Variants in ELK3 observed in about 807,000 individuals in gnomAD.
ELK3 encodes ETS transcription factor ELK3.
In ELK3, 10 loss-of-function variants were observed where a neutral mutation model predicts 28.9. That is an observed-to-expected ratio of 0.35 (90% CI 0.21 to 0.59). The LOEUF is 0.59. Among genes scored for constraint, ELK3 ranks in the 20% least tolerant of loss-of-function variants. ELK3 has a pLI of 0.82. For missense variants in ELK3, 463 were observed against 517.3 expected (o/e 0.90, Z 1.02); for synonymous variants, 272 against 243.5 (o/e 1.12, Z -1.09).
chr12:96,254,833 C>G (rs531705441), intron 3 of ELK3, among the ~76,000 whole-genome samples: 1 of 151,942 alleles, frequency 6.6e-6, no homozygotes, highest in African/African-American at 2.4e-5. Context: ...ACCACTGGTA[C>G]AGGGTGTTGA....
At chr12:96,224,738 T>G (rs897251257) in intron 2 of ELK3, among the ~76,000 whole-genome samples, 1 of 152,264 alleles carries the variant, frequency 6.6e-6, no homozygotes, top group Non-Finnish European at 1.5e-5. Flanking sequence ...GAATCTGTTG[T>G]TGCTGAATAT....
At chr12:96,228,110 G>A (rs1256165365) in intron 2 of ELK3, among the ~76,000 whole-genome samples, 2 of 151,702 alleles carry the variant, frequency 1.3e-5, no homozygotes, top group Non-Finnish European at 2.9e-5. Context: ...AAAAAATTTA[G>A]CACAATTTAT....
intron 2 of ELK3, among the ~76,000 whole-genome samples, chr12:96,235,632 C>T (rs538491490): frequency 6.6e-6 from 1 of 152,160 alleles, no homozygotes; most frequent in African/African-American, 2.4e-5. Context: ...TCCAAGTCAA[C>T]TGGTGACAAA....
intron 1 of ELK3, among the ~76,000 whole-genome samples, chr12:96,217,254 G>C (rs1951625365): frequency 6.6e-6 from 1 of 152,156 alleles, no homozygotes; most frequent in Non-Finnish European, 1.5e-5. Context: ...TAGTCGAAAA[G>C]AAAAGAATTA....
At chr12:96,263,534 C>G (rs1952008546) in intron 4 of ELK3, among the ~76,000 whole-genome samples, 1 of 152,140 alleles carries the variant, frequency 6.6e-6, no homozygotes, top group South Asian at 2.1e-4. Flanking sequence ...CAAATCTAAC[C>G]CCAGCAAATA....
intron 2 of ELK3, among the ~76,000 whole-genome samples, chr12:96,232,857 A>C (rs553303717): frequency 6.6e-6 from 1 of 152,206 alleles, no homozygotes; most frequent in East Asian, 1.9e-4. Flanking sequence ...AGTCCTACTT[A>C]CTGGGGAGGC....
At chr12:96,213,955 C>T (rs1219349341) in intron 1 of ELK3, 2 of 147,422 alleles carry the variant, frequency 1.4e-5, no homozygotes, top group Non-Finnish European at 1.5e-5. Context: ...AACTCCTAGG[C>T]ACAAACTGTC....
intron 1 of ELK3, among the ~76,000 whole-genome samples, chr12:96,211,558 T>C (rs1004838845): frequency 5.9e-5 from 9 of 151,406 alleles, no homozygotes; most frequent in African/African-American, 2.2e-4. Context: ...ATATTTTAGG[T>C]TGAATATATG....
chr12:96,198,941 A>G (rs1951490656), intron 1 of ELK3, among the ~76,000 whole-genome samples: 1 of 152,238 alleles, frequency 6.6e-6, no homozygotes, highest in Non-Finnish European at 1.5e-5. Flanking sequence ...GATCTAATAA[A>G]TGTGTTGGCT....
intron 2 of ELK3, 132 bp from the exon 3 acceptor site, chr12:96,246,808 A>G: frequency 3.3e-6 from 3 of 902,072 alleles, no homozygotes; most frequent in Non-Finnish European, 4.9e-6. Flanking sequence ...TCCTCCTTCC[A>G]CTTTTCCTTA....
At position 96,269,548 on chromosome 12, in the gene ELK3, CAT is replaced by C. The variant is rs1292971769; in HGVS notation, c.*2372_*2373del. On this transcript the variant is annotated 3_prime_UTR_variant, in exon 5 of 5. Transcript: ENST00000228741. Reference sequence around the variant, plus strand: ...TGGAGGAACTGAAGAATAACTCACTCATATAGCTCTGCCTCATTCTGTGTGTG... The same window carrying C: ...TGGAGGAACTGAAGAATAACTCACTCATAGCTCTGCCTCATTCTGTGTGTG... The C allele has an allele frequency of 6.6e-6, 1 of 152,170 alleles. No homozygotes were observed. The highest frequency in any genetic ancestry group is 1.5e-5 in the Non-Finnish European group (1 of 68,030). The allele number at this position is 152,170 out of a possible 1,614,324, so 9.4% of individuals were successfully genotyped here. A position where few individuals can be genotyped will look rare whatever the true frequency, so the allele number is the denominator to read the frequency against.
chr12:96,231,685 A>G (rs1244231372), intron 2 of ELK3, among the ~76,000 whole-genome samples: 1 of 151,898 alleles, frequency 6.6e-6, no homozygotes, highest in East Asian at 1.9e-4. Flanking sequence ...TAGAGATGGG[A>G]TTTCACCAGA....
intron 3 of ELK3, chr12:96,255,536 G>A (rs1951941743): frequency 6.6e-6 from 1 of 152,282 alleles, no homozygotes; most frequent in South Asian, 2.1e-4. Context: ...GAAAGCTCAG[G>A]ACACATCAAA....
In ELK3 at chr12:96,267,930, G is replaced by A. The variant is rs1487740361; in HGVS notation, c.*750G>A. On this transcript the variant is annotated 3_prime_UTR_variant, in exon 5 of 5. Coordinates refer to ENST00000228741, the MANE Select transcript of ELK3 (RefSeq NM_005230.4). ...TATCTTATCTTTTAGATGCCTCCCAGACAAAAATCTGAGATGGAAAAGCTA... is the reference window on the plus strand; with the variant it reads ...TATCTTATCTTTTAGATGCCTCCCAAACAAAAATCTGAGATGGAAAAGCTA... 6.6e-6 allele frequency: 1 copy of A among 152,274 alleles called. No individual in the cohort carries two copies. Among genetic ancestry groups the A allele is most frequent in the African/African-American group, 2.4e-5 (1 of 41,424 alleles). 9.4% of individuals were successfully genotyped at this position (152,274 alleles called of 1,614,324 possible). A position where few individuals can be genotyped will look rare whatever the true frequency, so the allele number is the denominator to read the frequency against.
At chr12:96,218,893 C>T (rs1050459093) in intron 1 of ELK3, among the ~76,000 whole-genome samples, 3 of 152,124 alleles carry the variant, frequency 2.0e-5, no homozygotes, top group Non-Finnish European at 4.4e-5. Context: ...TGTGATCCGC[C>T]CGCCTCGGCC....
chr12:96,214,339 G>A (rs753974510), intron 1 of ELK3, among the ~76,000 whole-genome samples: 1 of 152,126 alleles, frequency 6.6e-6, no homozygotes, highest in South Asian at 2.1e-4. Context: ...GCTGAGGCAC[G>A]AGAATCACTT....
At chr12:96,234,498 C>T (rs888544049) in intron 2 of ELK3, among the ~76,000 whole-genome samples, 5 of 152,136 alleles carry the variant, frequency 3.3e-5, no homozygotes, top group Non-Finnish European at 5.9e-5. Context: ...CACCACCCGC[C>T]GTCCACCCAC....
chr12:96,226,932 C>A (rs1234503690), intron 2 of ELK3, among the ~76,000 whole-genome samples: 3 of 152,226 alleles, frequency 2.0e-5, no homozygotes, highest in Admixed American at 6.5e-5. Flanking sequence ...ACGAAAACTA[C>A]ACTCTATTTG....
Position 96,247,470 on chromosome 12 carries a change from G to T in ELK3, c.738G>T (p.Leu246=). ...CCTTCTCATCTCGGTCCCCGTCCCT[G>T]TCCCCCAACTCACCCCTCCCTTCTG... ...ASPFSSRSPS[L]SPNSPLPSEH... is the part of the protein sequence containing the mutation. Residue 246 remains leucine, a synonymous_variant, in exon 3 of 5, where the codon CTG becomes CTT. Transcript: ENST00000228741. The surrounding 1 kb of genome is among the most constrained non-coding windows in gnomAD (Gnocchi z 5.5). The T allele has an allele frequency of 1.9e-6, 3 of 1,613,800 alleles. No individual in the cohort carries two copies. Among genetic ancestry groups the T allele is most frequent in the Non-Finnish European group, 2.5e-6 (3 of 1,179,970 alleles).
Sources: allele counts gnomAD v4.1 joint callset (sites outside exome capture counted in the v4.1 genomes callset), GRCh38; gene constraint gnomAD v4.1.1; non-coding constraint Gnocchi (gnomAD v3.1); transcripts MANE v1.5; gene names NCBI Gene and HGNC (gene_info 2026-07-23, HGNC 2026-07-21).